The following GPHN variants were observed in gnomAD, a reference collection of about 807,000 sequenced individuals.
GPHN encodes the protein gephyrin.
In GPHN, 17 loss-of-function variants were observed where a neutral mutation model predicts 95.5. That is an observed-to-expected ratio of 0.18 (90% CI 0.12 to 0.27). The LOEUF (loss-of-function observed/expected upper bound fraction) is 0.27, where lower values mean the gene tolerates loss of function less well. Among genes scored for constraint, GPHN ranks in the 10% least tolerant of loss-of-function variants. GPHN has a pLI of 1.00. For missense variants in GPHN, 660 were observed against 978.1 expected, an observed-to-expected ratio of 0.67 and a Z score of 4.34; for synonymous variants, 320 against 322.5, an observed-to-expected ratio of 0.99 and a Z score of 0.08.
chr14:67,616,143 C>G, the GPHN span: 1 of 250,130 alleles, frequency 4.0e-6, no homozygotes, highest in Non-Finnish European at 8.3e-6. Context: ...TTTAACCCCC[C>G]TGTACACAAC....
intron 1 of GPHN, among the ~76,000 whole-genome samples, chr14:66,558,950 A>G (rs2060118579): frequency 7.6e-6 from 1 of 132,130 alleles, no homozygotes; most frequent in South Asian, 2.3e-4. Context: ...ATGTGTTCTC[A>G]TTGTTCAATT....
intron 18 of GPHN, among the ~76,000 whole-genome samples, chr14:67,152,032 G>C (rs2081314773): frequency 6.6e-6 from 1 of 152,156 alleles, no homozygotes; most frequent in African/African-American, 2.4e-5. Context: ...GAGCATCTCA[G>C]TGGAGCCTCT....
chr14:67,442,721 C>T, the GPHN span, among the ~76,000 whole-genome samples: 1 of 152,306 alleles, frequency 6.6e-6, no homozygotes, highest in South Asian at 2.1e-4. Flanking sequence ...AGGCAAACAG[C>T]CTTGTAAACA....
the GPHN span, among the ~76,000 whole-genome samples, chr14:67,671,924 T>C: frequency 3.0e-4 from 46 of 152,330 alleles, no homozygotes; most frequent in Non-Finnish European, 5.9e-4. Flanking sequence ...GGTCTAATCA[T>C]TTCTTATGGG....
the GPHN span, among the ~76,000 whole-genome samples, chr14:67,703,412 G>T: frequency 6.6e-6 from 1 of 152,110 alleles, no homozygotes; most frequent in Non-Finnish European, 1.5e-5. Flanking sequence ...TGGCTGAATC[G>T]TATAAGAAAA....
rs1395529576 is a variant in GPHN, at chr14:66,585,876, G to T, written c.64+77285G>T. 2.6e-5 allele frequency among the ~76,000 whole-genome samples: 4 copies of T among 152,128 alleles called. No individual in the cohort carries two copies. In the South Asian group the frequency reaches 8.3e-4, roughly 32 times the overall value. On this transcript the variant is annotated intron_variant, in intron 1 of 22. Transcript: ENST00000478722. ...AGAATATATATTCTGTTGATTTGGGGTGGAGAGTTCTGTAGATGTCTATTA... is the reference window on the plus strand; with the variant it reads ...AGAATATATATTCTGTTGATTTGGGTTGGAGAGTTCTGTAGATGTCTATTA...
intron 10 of GPHN, among the ~76,000 whole-genome samples, chr14:67,048,632 G>C (rs2153640701): frequency 6.6e-6 from 1 of 152,242 alleles, no homozygotes; most frequent in African/African-American, 2.4e-5. Context: ...CCCTACCTCT[G>C]CCCCAACTCT....
intron 12 of GPHN, among the ~76,000 whole-genome samples, chr14:67,095,966 C>CAAAAAA: frequency 1.5e-4 from 10 of 67,086 alleles, no homozygotes; most frequent in East Asian, 3.8e-4. Flanking sequence ...AAGAAAAAGG[C>CAAAAAA]AAAAAAAAAA....
the GPHN span, among the ~76,000 whole-genome samples, chr14:67,546,653 G>A: frequency 6.6e-6 from 1 of 152,342 alleles, no homozygotes; most frequent in East Asian, 1.9e-4. Flanking sequence ...GCCTCCCAAA[G>A]TGCTGGGATT....
intron 18 of GPHN, among the ~76,000 whole-genome samples, chr14:67,154,112 C>G (rs975783223): frequency 9.2e-5 from 14 of 152,192 alleles, no homozygotes; most frequent in African/African-American, 3.4e-4. Context: ...CTGCCTATCT[C>G]TTCAAACTCT....
intron 1 of GPHN, among the ~76,000 whole-genome samples, chr14:66,641,066 C>A (rs7152513): frequency 4.6e-5 from 7 of 151,996 alleles, no homozygotes; most frequent in African/African-American, 1.7e-4. Flanking sequence ...ATACACTGTC[C>A]TAACACTGAA....
At chr14:66,834,144 G>T (rs2061694728) in intron 4 of GPHN, among the ~76,000 whole-genome samples, 1 of 152,132 alleles carries the variant, frequency 6.6e-6, no homozygotes, top group South Asian at 2.1e-4. Context: ...GTGCTCAAAA[G>T]AAGGTTAATT....
At chr14:66,821,263 T>C (rs935754855) in intron 3 of GPHN, among the ~76,000 whole-genome samples, 3 of 152,256 alleles carry the variant, frequency 2.0e-5, no homozygotes, top group Non-Finnish European at 4.4e-5. Context: ...TTTTTAAACA[T>C]GATAGAATAA....
intron 2 of GPHN, among the ~76,000 whole-genome samples, chr14:66,712,535 T>G (rs534923456): frequency 1.2e-4 from 18 of 152,280 alleles, no homozygotes; most frequent in African/African-American, 4.1e-4. Flanking sequence ...CTGGAGATAT[T>G]AGCCCTTTGT....
the GPHN span, among the ~76,000 whole-genome samples, chr14:67,253,349 T>C: frequency 6.6e-6 from 1 of 152,206 alleles, no homozygotes; most frequent in African/African-American, 2.4e-5. Flanking sequence ...ATTATAATTG[T>C]ATGTTGAGGT....
the GPHN span, among the ~76,000 whole-genome samples, chr14:67,239,359 T>C: frequency 9.2e-5 from 14 of 152,148 alleles, no homozygotes; most frequent in African/African-American, 3.4e-4. Flanking sequence ...GATTGTCACA[T>C]TGGGGAGGGT....
At chr14:67,390,816 G>T in the GPHN span, 1 of 1,089,606 alleles carries the variant, frequency 9.2e-7, no homozygotes, top group Non-Finnish European at 1.4e-6. Context: ...ATCTATGCAT[G>T]TAATGCCAAA....
At chr14:66,829,768 G>A (rs1389602978) in intron 4 of GPHN, among the ~76,000 whole-genome samples, 1 of 152,084 alleles carries the variant, frequency 6.6e-6, no homozygotes, top group Admixed American at 6.6e-5. Context: ...CATTTGTGAA[G>A]CTTTTGTTTT....
the GPHN span, chr14:67,722,352 A>T: frequency 1.9e-6 from 1 of 522,292 alleles, no homozygotes. Context: ...TACTTGCTTT[A>T]GTTTCCCCAC....
Sources: gnomAD v4.1 joint callset for allele counts (sites outside exome capture counted in the v4.1 genomes callset) on GRCh38, gnomAD v4.1.1 for gene constraint, MANE v1.5 for transcripts, NCBI Gene and HGNC (gene_info 2026-07-23, HGNC 2026-07-21) for gene names.